The following HIVEP3 variants were observed in gnomAD, a reference collection of about 807,000 sequenced individuals.
HIVEP3 encodes transcription factor HIVEP3.
HIVEP3 carries 49 observed loss-of-function variants against 152.8 expected under a neutral mutation model. The observed-to-expected ratio is 0.32, with a 90% confidence interval of 0.26 to 0.41. HIVEP3 has a LOEUF of 0.41. HIVEP3 is among the 10% of genes least tolerant of loss of function. The pLI is 1.00. For synonymous variants in HIVEP3, 1,269 were observed against 1,289.0 expected, an observed-to-expected ratio of 0.98 and a Z score of 0.33; for missense variants, 2,790 against 3,103.3, an observed-to-expected ratio of 0.90 and a Z score of 2.40.
intron 4 of HIVEP3, among the ~76,000 whole-genome samples, chr1:41,576,863 G>C (rs1209032032): frequency 1.3e-5 from 2 of 152,214 alleles, no homozygotes; most frequent in Non-Finnish European, 2.9e-5. Flanking sequence ...CAACTTCTGT[G>C]ACTCAGTGAC....
At chr1:41,537,799 G>A (rs72669035) in intron 5 of HIVEP3, among the ~76,000 whole-genome samples, 6,211 of 152,274 alleles carry the variant, frequency 0.041, 205 homozygotes, top group Middle Eastern at 0.099. Context: ...CGCTCAGGCT[G>A]GGGGCCATTA....
chr1:41,638,960 C>T (rs1231410538), intron 2 of HIVEP3, among the ~76,000 whole-genome samples: 1 of 152,200 alleles, frequency 6.6e-6, no homozygotes, highest in Non-Finnish European at 1.5e-5. Flanking sequence ...CTGGGCCTCA[C>T]ACACTGATCC....
At chr1:42,007,230 T>C (rs1191394021) in intron 1 of HIVEP3, among the ~76,000 whole-genome samples, 1 of 152,192 alleles carries the variant, frequency 6.6e-6, no homozygotes, top group Non-Finnish European at 1.5e-5. Flanking sequence ...CAAAAGCACA[T>C]GCCCTCGAGT....
chr1:41,956,695 A>T (rs1256788273), intron 1 of HIVEP3, among the ~76,000 whole-genome samples: 1 of 152,260 alleles, frequency 6.6e-6, no homozygotes, highest in Admixed American at 6.5e-5. Flanking sequence ...CGATGAAAAT[A>T]AAAAGAGACA....
chr1:41,839,188 G>A (rs1004300111), intron 1 of HIVEP3, among the ~76,000 whole-genome samples: 1 of 152,144 alleles, frequency 6.6e-6, no homozygotes, highest in Non-Finnish European at 1.5e-5. Flanking sequence ...CCACAGAGGA[G>A]GGAAGGTGGA....
intron 1 of HIVEP3, among the ~76,000 whole-genome samples, chr1:41,796,855 T>C (rs1031052001): frequency 1.3e-5 from 2 of 152,244 alleles, no homozygotes; most frequent in African/African-American, 4.8e-5. Context: ...TGTGCTCGTG[T>C]GGATGAACTT....
intron 2 of HIVEP3, among the ~76,000 whole-genome samples, chr1:41,669,723 G>A (rs1260780685): frequency 6.6e-6 from 1 of 152,154 alleles, no homozygotes; most frequent in Non-Finnish European, 1.5e-5. Flanking sequence ...TGGGCCTCAG[G>A]CCTTCAGACT....
chr1:41,522,207 G>T lies in HIVEP3; in HGVS notation c.5383+2528C>A, dbSNP rs140757169. On this transcript the variant is annotated intron_variant, in intron 6 of 8. Transcript: ENST00000372583. ...TGTGTTGTCTGAGCTGATGGCTGAC[G>T]GGGCCCAGCACTCCACAAAGACACC... 4.8e-3 allele frequency among the ~76,000 whole-genome samples: 728 copies of T among 152,236 alleles called. 7 individuals are homozygous for T. Among genetic ancestry groups the T allele is most frequent in the African/African-American group, 0.017 (693 of 41,544 alleles).
At chr1:41,912,751 G>A (rs1480813778) in intron 1 of HIVEP3, among the ~76,000 whole-genome samples, 1 of 152,126 alleles carries the variant, frequency 6.6e-6, no homozygotes, top group Non-Finnish European at 1.5e-5. Context: ...TTTACCAGAC[G>A]CTTCAGCTGT....
At chr1:41,688,057 T>C (rs1000792775) in intron 2 of HIVEP3, among the ~76,000 whole-genome samples, 1 of 152,200 alleles carries the variant, frequency 6.6e-6, no homozygotes, top group African/African-American at 2.4e-5. Flanking sequence ...AGCAGAAAGA[T>C]GCATGTGCCT....
intron 1 of HIVEP3, among the ~76,000 whole-genome samples, chr1:41,924,899 C>T (rs1375769616): frequency 1.3e-5 from 2 of 152,192 alleles, no homozygotes; most frequent in African/African-American, 2.4e-5. Flanking sequence ...GTCTGAGCTT[C>T]TCTAGGCTAA....
intron 1 of HIVEP3, among the ~76,000 whole-genome samples, chr1:41,914,855 C>A (rs900396823): frequency 6.6e-5 from 10 of 152,222 alleles, no homozygotes; most frequent in Admixed American, 6.5e-4. Context: ...GAATTAAAGT[C>A]ATCAAGTTGG....
intron 1 of HIVEP3, among the ~76,000 whole-genome samples, chr1:41,827,801 C>A (rs1036457618): frequency 2.6e-5 from 4 of 151,892 alleles, no homozygotes; most frequent in Admixed American, 6.6e-5. Context: ...ATTCACTGGG[C>A]AATTTCATCA....
intron 3 of HIVEP3, among the ~76,000 whole-genome samples, chr1:41,610,765 T>C (rs1222273044): frequency 6.6e-6 from 1 of 152,186 alleles, no homozygotes; most frequent in Non-Finnish European, 1.5e-5. Context: ...GCATTCGCAC[T>C]CTAGGTCCTG....
At chr1:41,829,438 A>G (rs1642897717) in intron 1 of HIVEP3, among the ~76,000 whole-genome samples, 1 of 152,202 alleles carries the variant, frequency 6.6e-6, no homozygotes, top group Non-Finnish European at 1.5e-5. Context: ...CCAGGCCCTG[A>G]AAATGGCCCA....
In HIVEP3 at chr1:41,582,073, G is replaced by T; in HGVS notation, c.2725C>A (p.Arg909Ser). 6.2e-7 allele frequency: 1 copy of T among 1,614,184 alleles called. No homozygotes were observed. Among genetic ancestry groups the T allele is most frequent in the Non-Finnish European group, 8.5e-7 (1 of 1,180,042 alleles). ...EKLPPKKKRLRLAEMAQSSGE... is the reference protein window; with the variant it reads ...EKLPPKKKRLSLAEMAQSSGE... ...GATGATTGGGCCATCTCTGCCAGGCGCAACCTCTTCTTTTTGGGTGGCAGC... is the reference window on the plus strand; with the variant it reads ...GATGATTGGGCCATCTCTGCCAGGCTCAACCTCTTCTTTTTGGGTGGCAGC... The change falls in exon 4 of 9, where the codon CGC becomes AGC. Residue 909 changes from arginine to serine, a missense_variant. Coordinates refer to ENST00000372583, the MANE Select transcript of HIVEP3 (RefSeq NM_024503.5). This position sits in a 1 kb window ranked among gnomAD's most constrained non-coding sequence, Gnocchi z 4.7.
At chr1:41,612,674 T>A (rs1332189211) in intron 3 of HIVEP3, among the ~76,000 whole-genome samples, 1 of 152,194 alleles carries the variant, frequency 6.6e-6, no homozygotes, top group Admixed American at 6.5e-5. Flanking sequence ...ATTTCTGTAT[T>A]CCTGAGCTAT....
At chr1:41,672,504 A>G (rs1645893280) in intron 2 of HIVEP3, among the ~76,000 whole-genome samples, 1 of 152,222 alleles carries the variant, frequency 6.6e-6, no homozygotes, top group African/African-American at 2.4e-5. Context: ...TGTGGGCGGC[A>G]AGCCCTGTTC....
chr1:41,980,854 T>C (rs1044907736), intron 1 of HIVEP3, among the ~76,000 whole-genome samples: 1 of 152,196 alleles, frequency 6.6e-6, no homozygotes, highest in African/African-American at 2.4e-5. Context: ...ATAAATCCCT[T>C]GACAGACAAT....
Sources: gnomAD v4.1 joint callset for allele counts (sites outside exome capture counted in the v4.1 genomes callset) on GRCh38, gnomAD v4.1.1 for gene constraint, Gnocchi (gnomAD v3.1) non-coding constraint, MANE v1.5 for transcripts, NCBI Gene and HGNC (gene_info 2026-07-23, HGNC 2026-07-21) for gene names.